The following GPHN variants were observed in gnomAD, a reference collection of about 807,000 sequenced individuals.
GPHN encodes the protein gephyrin.
Under a neutral mutation model 95.5 loss-of-function variants are expected in GPHN, and 17 were observed. The observed-to-expected ratio is 0.18, with a 90% CI of 0.12 to 0.27. The LOEUF is 0.27. Among genes scored for constraint, GPHN ranks in the 10% least tolerant of loss-of-function variants. GPHN has a pLI of 1.00. For missense variants in GPHN, 660 were observed against 978.1 expected (o/e 0.67, Z 4.34); for synonymous variants, 320 against 322.5 (o/e 0.99, Z 0.08).
chr14:67,048,825 T>C (rs980353588), intron 10 of GPHN, among the ~76,000 whole-genome samples: 7 of 152,390 alleles, frequency 4.6e-5, no homozygotes, highest in Middle Eastern at 6.8e-3. Flanking sequence ...TGTTTTGTAA[T>C]ACATATGAGT....
the GPHN span, chr14:67,581,637 T>C: frequency 5.5e-6 from 1 of 180,224 alleles, no homozygotes; most frequent in Admixed American, 5.4e-5. Flanking sequence ...AAAGACTAAG[T>C]ACTTCCTATA....
intron 5 of GPHN, among the ~76,000 whole-genome samples, chr14:66,882,569 C>T (rs536582828): frequency 1.3e-5 from 2 of 151,724 alleles, no homozygotes; most frequent in African/African-American, 2.4e-5. Context: ...ATGTTAATGT[C>T]TTTTTTGTTT....
the GPHN span, chr14:67,592,272 T>TA: frequency 5.0e-6 from 2 of 400,790 alleles, no homozygotes; most frequent in Admixed American, 3.0e-5. Flanking sequence ...TCATCTCTAC[T>TA]AAAAATAAAA....
chr14:67,612,609 A>T, the GPHN span, among the ~76,000 whole-genome samples: 5 of 152,188 alleles, frequency 3.3e-5, no homozygotes, highest in African/African-American at 1.2e-4. Context: ...ACACTGTTTA[A>T]GAAAAAATAA....
chr14:67,540,500 G>A, the GPHN span, among the ~76,000 whole-genome samples: 3 of 151,712 alleles, frequency 2.0e-5, no homozygotes, highest in South Asian at 2.1e-4. Context: ...GATGGTGCAC[G>A]CCTGTAATCC....
At chr14:67,255,470 T>A in the GPHN span, among the ~76,000 whole-genome samples, 2 of 152,218 alleles carry the variant, frequency 1.3e-5, no homozygotes, top group African/African-American at 2.4e-5. Context: ...ATTTTAAAAT[T>A]AAAAATGTAA....
chr14:67,305,824 G>A, the GPHN span, among the ~76,000 whole-genome samples: 1 of 152,216 alleles, frequency 6.6e-6, no homozygotes, highest in East Asian at 1.9e-4. Flanking sequence ...TATTGATTAA[G>A]AATAAAAGGC....
chr14:67,443,399 CT>C, the GPHN span, among the ~76,000 whole-genome samples: 1 of 152,072 alleles, frequency 6.6e-6, no homozygotes, highest in African/African-American at 2.4e-5. Context: ...GCCCCACAAC[CT>C]TTTTAATCAC....
chr14:67,110,427 T>A (rs2078300704), intron 14 of GPHN, 168 bp downstream of exon 14: 1 of 659,030 alleles, frequency 1.5e-6, no homozygotes, highest in Admixed American at 2.4e-5. Context: ...CTCCAGTAAA[T>A]AAGAAATTTC....
chr14:67,448,195 A>G, the GPHN span, among the ~76,000 whole-genome samples: 1 of 127,058 alleles, frequency 7.9e-6, no homozygotes, highest in Non-Finnish European at 1.5e-5. Flanking sequence ...CTGGAGTGCA[A>G]TACTGCAATC....
At chr14:66,909,916 T>C (rs1231812071) in intron 5 of GPHN, among the ~76,000 whole-genome samples, 1 of 151,970 alleles carries the variant, frequency 6.6e-6, no homozygotes, top group East Asian at 1.9e-4. Context: ...ATACATCAGT[T>C]GCTGTCCTAT....
intron 2 of GPHN, among the ~76,000 whole-genome samples, chr14:66,776,168 G>C (rs1169091488): frequency 6.6e-6 from 1 of 152,130 alleles, no homozygotes; most frequent in Non-Finnish European, 1.5e-5. Flanking sequence ...CATGTTAGCT[G>C]TGACAGAATA....
intron 3 of GPHN, among the ~76,000 whole-genome samples, chr14:66,805,516 C>G (rs2060510416): frequency 6.6e-6 from 1 of 152,314 alleles, no homozygotes; most frequent in South Asian, 2.1e-4. Context: ...AGTCAAGTCC[C>G]TTCTGCCTAT....
At chr14:67,142,880 C>G (rs1238729133) in intron 17 of GPHN, 3 of 209,376 alleles carry the variant, frequency 1.4e-5, no homozygotes, top group Admixed American at 5.3e-5. Flanking sequence ...AAAGCTCTTT[C>G]CCATTCCTTT....
chr14:66,906,908 T>C (rs527686516), intron 5 of GPHN, among the ~76,000 whole-genome samples: 18 of 152,318 alleles, frequency 1.2e-4, no homozygotes, highest in African/African-American at 4.3e-4. Flanking sequence ...TCTATATTGG[T>C]AAAAACAATG....
chr14:66,575,715 A>G (rs1191554329), intron 1 of GPHN, among the ~76,000 whole-genome samples: 7 of 151,878 alleles, frequency 4.6e-5, no homozygotes, highest in Admixed American at 4.6e-4. Flanking sequence ...TCTTGGCATC[A>G]GAGTCTAATC....
chr14:66,546,146 A>G (rs1041819957), intron 1 of GPHN, among the ~76,000 whole-genome samples: 10 of 150,016 alleles, frequency 6.7e-5, no homozygotes, highest in Non-Finnish European at 1.2e-4. Flanking sequence ...GGCCAGGCAG[A>G]GACGCTCCTC....
intron 1 of GPHN, among the ~76,000 whole-genome samples, chr14:66,602,076 G>C (rs543496502): frequency 2.6e-5 from 4 of 151,746 alleles, no homozygotes; most frequent in African/African-American, 9.7e-5. Flanking sequence ...CATTTTTTGC[G>C]TTTCTGATAA....
At chr14:67,525,152 A>G in the GPHN span, among the ~76,000 whole-genome samples, 2 of 152,216 alleles carry the variant, frequency 1.3e-5, no homozygotes, top group African/African-American at 2.4e-5. Context: ...AACTAACAAC[A>G]TTATATCAAA....
Sources: allele counts gnomAD v4.1 joint callset (sites outside exome capture counted in the v4.1 genomes callset), GRCh38; gene constraint gnomAD v4.1.1; transcripts MANE v1.5; gene names NCBI Gene and HGNC (gene_info 2026-07-23, HGNC 2026-07-21).